CNTNAP5: variants seen among roughly 807,000 people sequenced by gnomAD.
CNTNAP5 encodes the protein contactin associated protein family member 5.
CNTNAP5 carries 72 observed loss-of-function variants against 150.2 expected under a neutral mutation model. The ratio of observed to expected loss-of-function variants is 0.48; its 90% CI spans 0.40 to 0.58. The LOEUF (loss-of-function observed/expected upper bound fraction) is 0.58, where lower values mean the gene tolerates loss of function less well. Ranked by LOEUF, CNTNAP5 falls within the 20% of genes least tolerant of loss-of-function variation. The pLI is 0.00. For synonymous variants in CNTNAP5, 672 were observed against 619.8 expected (o/e 1.08, Z -1.25); for missense variants, 1,636 against 1,626.2 (o/e 1.01, Z -0.10).
intron 1 of CNTNAP5, among the ~76,000 whole-genome samples, chr2:124,123,094 G>C (rs1683605782): frequency 6.6e-6 from 1 of 152,016 alleles, no homozygotes. Flanking sequence ...CCATGGAGTA[G>C]GGTGAGGCAT....
intron 11 of CNTNAP5, among the ~76,000 whole-genome samples, chr2:124,570,289 A>G (rs772577517): frequency 3.3e-5 from 5 of 152,182 alleles, no homozygotes; most frequent in Admixed American, 1.3e-4. Context: ...AAAATAATTG[A>G]CCTTTTAGCA....
intron 3 of CNTNAP5, among the ~76,000 whole-genome samples, chr2:124,253,861 G>A (rs1447726557): frequency 6.6e-6 from 1 of 151,760 alleles, no homozygotes; most frequent in Non-Finnish European, 1.5e-5. Flanking sequence ...AAGATGATGG[G>A]GAAGGGGGAT....
intron 13 of CNTNAP5, among the ~76,000 whole-genome samples, chr2:124,696,626 C>T (rs1463089277): frequency 6.6e-6 from 1 of 152,100 alleles, no homozygotes; most frequent in Non-Finnish European, 1.5e-5. Context: ...AAAATATGGC[C>T]TTCGTCAAAT....
At chr2:124,790,658 C>T (rs1558777092) in intron 18 of CNTNAP5, among the ~76,000 whole-genome samples, 1 of 152,170 alleles carries the variant, frequency 6.6e-6, no homozygotes, top group South Asian at 2.1e-4. Context: ...TTTAAAAGCC[C>T]TGTCTGAAAG....
chr2:124,482,463 A>G (rs1693782523), intron 7 of CNTNAP5, among the ~76,000 whole-genome samples: 1 of 152,140 alleles, frequency 6.6e-6, no homozygotes. Context: ...CATTTTTATT[A>G]GGCATTTATT....
chr2:124,717,245 T>G (rs1457035544), intron 13 of CNTNAP5, among the ~76,000 whole-genome samples: 2 of 152,160 alleles, frequency 1.3e-5, no homozygotes, highest in Non-Finnish European at 2.9e-5. Flanking sequence ...TGGGCCATGA[T>G]GAAGATCAGA....
At chr2:124,650,535 T>C (rs1289286449) in intron 13 of CNTNAP5, among the ~76,000 whole-genome samples, 1 of 152,124 alleles carries the variant, frequency 6.6e-6, no homozygotes, top group African/African-American at 2.4e-5. Flanking sequence ...AAGCCACTCA[T>C]TCCCTTCCCA....
At chr2:124,451,584 G>A (rs145767642) in intron 6 of CNTNAP5, among the ~76,000 whole-genome samples, 2 of 152,186 alleles carry the variant, frequency 1.3e-5, no homozygotes, top group African/African-American at 4.8e-5. Context: ...AGCGTGTGGA[G>A]ACTCGCATCG....
At chr2:124,662,252 A>G (rs538178195) in intron 13 of CNTNAP5, among the ~76,000 whole-genome samples, 47 of 152,278 alleles carry the variant, frequency 3.1e-4, no homozygotes, top group African/African-American at 1.1e-3. Context: ...GGTTTGTTCC[A>G]AGTCTTTGCT....
chr2:124,540,177 A>G (rs1216549041), intron 10 of CNTNAP5, among the ~76,000 whole-genome samples: 4 of 152,140 alleles, frequency 2.6e-5, no homozygotes, highest in African/African-American at 9.7e-5. Context: ...TCACCTTGCT[A>G]CCTGCTTTTA....
rs200942591 is a variant in CNTNAP5 at position 124,713,318 on chromosome 2, C to CCTTTCTTTCTTTCTTTCTTT, written c.2078-33867_2078-33848dup. Reference sequence around the variant, plus strand: ...CTTTCTTTCTTCTTTCTCTTTCTTTCCTTTCTTTCTTTCTTTCTTTCTTTC... The same window carrying CCTTTCTTTCTTTCTTTCTTT: ...CTTTCTTTCTTCTTTCTCTTTCTTTCCTTTCTTTCTTTCTTTCTTTCTTTCTTTCTTTCTTTCTTTCTTTC... On this transcript the variant is annotated intron_variant, in intron 13 of 23. Transcript: ENST00000682447. Among the ~76,000 whole-genome samples, 55 of 43,958 alleles carry CCTTTCTTTCTTTCTTTCTTT rather than the reference C, an allele frequency of 1.3e-3. 2 individuals carry two copies. Among genetic ancestry groups the CCTTTCTTTCTTTCTTTCTTT allele is most frequent in the East Asian group, 5.1e-3 (6 of 1,170 alleles). The allele number at this position is 43,958 out of a possible 152,430, so 28.8% of individuals were successfully genotyped here.
chr2:124,301,263 TG>T, intron 3 of CNTNAP5, among the ~76,000 whole-genome samples: 1 of 152,320 alleles, frequency 6.6e-6, no homozygotes, highest in South Asian at 2.1e-4. Context: ...CAGCAGTGCT[TG>T]CTAAATAAAG....
intron 10 of CNTNAP5, among the ~76,000 whole-genome samples, chr2:124,529,544 A>G (rs1695058182): frequency 6.6e-6 from 1 of 152,200 alleles, no homozygotes; most frequent in Admixed American, 6.5e-5. Flanking sequence ...ACTGTGTTTG[A>G]GTCACTATTT....
intron 1 of CNTNAP5, among the ~76,000 whole-genome samples, chr2:124,156,083 C>T (rs1684521324): frequency 6.6e-6 from 1 of 152,208 alleles, no homozygotes; most frequent in Non-Finnish European, 1.5e-5. Context: ...ATTAATGTAT[C>T]ATGTTGCAGA....
chr2:124,440,493 G>A (rs1009481628), intron 5 of CNTNAP5, among the ~76,000 whole-genome samples: 2 of 152,060 alleles, frequency 1.3e-5, no homozygotes, highest in African/African-American at 4.8e-5. Context: ...AATCAAACAA[G>A]GCATTTGGTT....
chr2:124,088,837 T>G (rs1368829786), intron 1 of CNTNAP5, among the ~76,000 whole-genome samples: 2 of 152,180 alleles, frequency 1.3e-5, no homozygotes, highest in Non-Finnish European at 2.9e-5. Flanking sequence ...CAAGTGCATC[T>G]TGATAATCTC....
At chr2:124,885,693 A>G (rs987912977) in intron 21 of CNTNAP5, among the ~76,000 whole-genome samples, 1 of 151,854 alleles carries the variant, frequency 6.6e-6, no homozygotes, top group Non-Finnish European at 1.5e-5. Context: ...TATTTGAGAT[A>G]TTTCCTATAA....
chr2:124,847,966 A>T (rs944906680), intron 19 of CNTNAP5, among the ~76,000 whole-genome samples: 1 of 152,168 alleles, frequency 6.6e-6, no homozygotes, highest in Non-Finnish European at 1.5e-5. Context: ...TTTTAAAAAA[A>T]CTTGGAGTCA....
chr2:124,861,878 A>G (rs986665530), intron 19 of CNTNAP5, among the ~76,000 whole-genome samples: 1 of 152,170 alleles, frequency 6.6e-6, no homozygotes, highest in African/African-American at 2.4e-5. Flanking sequence ...CAGTGGCACA[A>G]TCTCCACTCA....
Sources: gnomAD v4.1 joint callset for allele counts (sites outside exome capture counted in the v4.1 genomes callset) on GRCh38, gnomAD v4.1.1 for gene constraint, MANE v1.5 for transcripts, NCBI Gene and HGNC (gene_info 2026-07-23, HGNC 2026-07-21) for gene names.